Variants in SLC13A3 observed in about 807,000 individuals in gnomAD.
The protein encoded by SLC13A3 is Na(+)/dicarboxylate cotransporter 3.
A neutral mutation model predicts 59.0 loss-of-function variants in SLC13A3; 40 were observed. That is an observed-to-expected ratio of 0.68 (90% confidence interval 0.53 to 0.88). SLC13A3 has a LOEUF of 0.88. Among genes scored for constraint, SLC13A3 ranks in the 40% least tolerant of loss-of-function variants. SLC13A3 has a pLI of 0.00. For synonymous variants in SLC13A3, 317 were observed against 330.3 expected (o/e 0.96, Z 0.44); for missense variants, 699 against 783.2 (o/e 0.89, Z 1.28).
At chr20:46,614,322 G>A (rs1471499867) in intron 1 of SLC13A3, among the ~76,000 whole-genome samples, 2 of 152,212 alleles carry the variant, frequency 1.3e-5, no homozygotes, top group African/African-American at 4.8e-5. Flanking sequence ...AGGCAAGGAA[G>A]TTGGAGCATT....
At chr20:46,598,822 C>A (rs1403603970) in intron 4 of SLC13A3, among the ~76,000 whole-genome samples, 1 of 152,008 alleles carries the variant, frequency 6.6e-6, no homozygotes, top group Non-Finnish European at 1.5e-5. Flanking sequence ...AACTCTCAGA[C>A]CCCACCTCCT....
In SLC13A3 at chr20:46,613,775, G is replaced by C. The variant is rs1231527929; in HGVS notation, c.112-50C>G. The C allele has an allele frequency of 5.3e-6, 8 of 1,520,732 alleles. No homozygotes were observed. In the Admixed American group the frequency reaches 1.6e-4, roughly 30 times the overall value. The allele number at this position is 1,520,732 out of a possible 1,614,324, so 94.2% of individuals were successfully genotyped here. On this transcript the variant is annotated intron_variant, in intron 1 of 12. Coordinates refer to ENST00000279027, the MANE Select transcript of SLC13A3 (RefSeq NM_022829.6). ...AGGGTCAGCGGGGCTCGGGGCAGAA[G>C]GGGAAGGAGGCCCAGGGCTCAGGGC...
intron 1 of SLC13A3, among the ~76,000 whole-genome samples, chr20:46,661,782 G>A (rs1299785813): frequency 6.6e-6 from 1 of 152,104 alleles, no homozygotes; most frequent in Non-Finnish European, 1.5e-5. Flanking sequence ...ATGCCTGGGA[G>A]GGGAGGGAAT....
intron 9 of SLC13A3, among the ~76,000 whole-genome samples, chr20:46,578,009 TA>T (rs1231099839): frequency 6.6e-6 from 1 of 152,204 alleles, no homozygotes; most frequent in African/African-American, 2.4e-5. Context: ...TTTATTTATT[TA>T]TTTTTTTTGA....
At chr20:46,674,412 G>A (rs990159327), upstream of SLC13A3, among the ~76,000 whole-genome samples, 7 of 152,144 alleles carry the variant, frequency 4.6e-5, no homozygotes, top group Non-Finnish European at 1.0e-4. Flanking sequence ...GACTAACCCT[G>A]GGTTCTGGGC....
chr20:46,665,361 A>C (rs1280976199), intron 1 of SLC13A3, among the ~76,000 whole-genome samples: 1 of 152,068 alleles, frequency 6.6e-6, no homozygotes, highest in African/African-American at 2.4e-5. Context: ...CATCACCCCA[A>C]AGGGAAATCT....
chr20:46,641,313 G>A (rs1156438667), intron 1 of SLC13A3, among the ~76,000 whole-genome samples: 3 of 152,120 alleles, frequency 2.0e-5, no homozygotes, highest in Non-Finnish European at 4.4e-5. Flanking sequence ...TATGTGTCAG[G>A]CACTACTCTG....
At chr20:46,574,909 CT>C (rs2062060404) in intron 10 of SLC13A3, among the ~76,000 whole-genome samples, 1 of 148,862 alleles carries the variant, frequency 6.7e-6, no homozygotes, top group Admixed American at 6.7e-5. Flanking sequence ...ATGATCATGA[CT>C]CCACTGTACT....
intron 9 of SLC13A3, among the ~76,000 whole-genome samples, chr20:46,582,133 A>AC (rs944520470): frequency 6.6e-6 from 1 of 151,846 alleles, no homozygotes; most frequent in Non-Finnish European, 1.5e-5. Context: ...TACAAAAAAA[A>AC]TTTTTTTGAG....
At chr20:46,614,464 C>T (rs922376375) in intron 1 of SLC13A3, among the ~76,000 whole-genome samples, 6 of 152,198 alleles carry the variant, frequency 3.9e-5, no homozygotes, top group Non-Finnish European at 8.8e-5. Flanking sequence ...CAGTCCATCT[C>T]AGAGGCAGTA....
At chr20:46,676,411 CT>C (rs543970617) in intron 1 of SLC13A3, among the ~76,000 whole-genome samples, 7,299 of 108,524 alleles carry the variant, frequency 0.067, 582 homozygotes, top group African/African-American at 0.19. Context: ...TCTCTCAACT[CT>C]TTTTTTTTTT....
intron 4 of SLC13A3, among the ~76,000 whole-genome samples, chr20:46,596,996 T>A (rs2062318895): frequency 6.6e-6 from 1 of 152,138 alleles, no homozygotes; most frequent in Admixed American, 6.5e-5. Context: ...GAGGCTGTAG[T>A]GAACTTTGAT....
intron 1 of SLC13A3, among the ~76,000 whole-genome samples, chr20:46,632,046 G>T (rs2062743965): frequency 1.3e-5 from 2 of 152,164 alleles, no homozygotes; most frequent in Non-Finnish European, 2.9e-5. Flanking sequence ...TCAGGGCACT[G>T]GGCAGTGACC....
At chr20:46,621,206 T>A (rs1316192902) in intron 1 of SLC13A3, among the ~76,000 whole-genome samples, 5 of 152,008 alleles carry the variant, frequency 3.3e-5, no homozygotes, top group Admixed American at 2.0e-4. Context: ...CCCCAGAGAG[T>A]CCTTCACCAC....
At chr20:46,606,425 C>T (rs573402044) in intron 3 of SLC13A3, among the ~76,000 whole-genome samples, 2 of 152,348 alleles carry the variant, frequency 1.3e-5, no homozygotes, top group South Asian at 4.1e-4. Flanking sequence ...CTTCACTCAA[C>T]ATTAAAGACC....
chr20:46,596,206 T>G lies in SLC13A3; in HGVS notation c.745A>C (p.Thr249Pro). Residue 249 changes from threonine (T) to proline (P), a missense_variant, in exon 5 of 13, where the codon ACA (threonine) becomes CCA (proline). Coordinates refer to ENST00000279027, the MANE Select transcript of SLC13A3 (RefSeq NM_022829.6). ...PYSASIGGTA[T>P]LTGTAPNLIL... ...AGGTTAGGGGCTGTGCCCGTGAGTGTGGCTGTGCCCCCAATACTGGCTGAG... is the reference window on the plus strand; with the variant it reads ...AGGTTAGGGGCTGTGCCCGTGAGTGGGGCTGTGCCCCCAATACTGGCTGAG... The G allele has an allele frequency of 6.2e-7, 1 of 1,614,088 alleles. No individual in the cohort carries two copies. Among genetic ancestry groups the G allele is most frequent in the African/African-American group, 1.3e-5 (1 of 75,024 alleles).
At chr20:46,589,422 C>T (rs1313661830) in intron 6 of SLC13A3, among the ~76,000 whole-genome samples, 167 bp from the exon 7 acceptor site, 1 of 152,208 alleles carries the variant, frequency 6.6e-6, no homozygotes, top group Non-Finnish European at 1.5e-5. Context: ...CAGTTGTTCT[C>T]CCCACGTATA....
chr20:46,585,231 T>C, intron 8 of SLC13A3: 1 of 974,386 alleles, frequency 1.0e-6, no homozygotes, highest in Non-Finnish European at 1.2e-6. Flanking sequence ...TATGTATACA[T>C]ATTTGTATGT....
intron 9 of SLC13A3, chr20:46,583,329 C>T (rs775914254): frequency 3.6e-6 from 4 of 1,100,140 alleles, no homozygotes; most frequent in Admixed American, 4.0e-5. Context: ...GCTTAGCTCA[C>T]AGGCTGTTCA....
Sources: gnomAD v4.1 joint callset for allele counts (sites outside exome capture counted in the v4.1 genomes callset) on GRCh38, gnomAD v4.1.1 for gene constraint, MANE v1.5 for transcripts, NCBI Gene and HGNC (gene_info 2026-07-23, HGNC 2026-07-21) for gene names.